Variants in NF1 observed in about 807,000 individuals in gnomAD.
The protein encoded by NF1 is neurofibromin 1.
Under a neutral mutation model 325.7 loss-of-function variants are expected in NF1, and 122 were observed. The observed-to-expected ratio is 0.37, with a 90% CI of 0.32 to 0.44. NF1 has a LOEUF of 0.44. Ranked by LOEUF, NF1 falls within the 20% of genes least tolerant of loss-of-function variation. The pLI is 1.00. For synonymous variants in NF1, 1,091 were observed against 1,186.0 expected (o/e 0.92, Z 1.65); for missense variants, 2,140 against 3,415.4 (o/e 0.63, Z 9.31).
chr17:31,243,688 C>T (rs944427866), intron 29 of NF1, among the ~76,000 whole-genome samples: 1 of 151,752 alleles, frequency 6.6e-6, no homozygotes, highest in African/African-American at 2.4e-5. Context: ...GCTGCCAGTT[C>T]TGAGTCTCTC....
intron 2 of NF1, among the ~76,000 whole-genome samples, chr17:31,156,331 A>G (rs1156629343): frequency 6.6e-6 from 1 of 152,198 alleles, no homozygotes; most frequent in Non-Finnish European, 1.5e-5. Context: ...AGATTCAGTG[A>G]GCACAAGTAA....
chr17:31,300,454 T>C (rs867642969), intron 36 of NF1, among the ~76,000 whole-genome samples: 13 of 152,084 alleles, frequency 8.5e-5, no homozygotes, highest in Non-Finnish European at 8.8e-5. Flanking sequence ...GTATCTTGAG[T>C]ATCACTCCAT....
Position 31,145,186 on chromosome 17 carries a change from C to T in NF1, c.61-10797C>T, listed in dbSNP as rs1395678599. ...TCTTTAGATCTTTGCATGGGTCTTC[C>T]CGTTCTCATTCATTCATTCATTTTG... On this transcript the variant is annotated intron_variant, in intron 1 of 57. Coordinates refer to ENST00000358273, the MANE Select transcript of NF1 (RefSeq NM_001042492.3). Among the ~76,000 whole-genome samples the T allele has an allele frequency of 2.0e-5, 3 of 152,242 alleles. No individual in the cohort carries two copies. In the East Asian group the frequency reaches 5.8e-4, roughly 29 times the overall value.
Position 31,151,561 on chromosome 17 carries a change from C to T in NF1, c.61-4422C>T, listed in dbSNP as rs919329602. 3.3e-5 allele frequency among the ~76,000 whole-genome samples: 5 copies of T among 152,128 alleles called. No individual in the cohort carries two copies. The highest frequency in any genetic ancestry group is 7.2e-5 in the African/African-American group (3 of 41,444). ...CATTGGTTCCAGGAACCTCCATGGA[C>T]GGTGAAATCTGTAGATGCTCAAGTC... On this transcript the variant is annotated intron_variant, in intron 1 of 57. Transcript: ENST00000358273.
chr17:31,275,942 G>A (rs1375361204), intron 36 of NF1, among the ~76,000 whole-genome samples: 1 of 152,134 alleles, frequency 6.6e-6, no homozygotes, highest in Admixed American at 6.5e-5. Flanking sequence ...TAGGACACAG[G>A]CTCATGCCTG....
intron 36 of NF1, among the ~76,000 whole-genome samples, chr17:31,299,195 G>C (rs1409529124): frequency 6.6e-6 from 1 of 151,942 alleles, no homozygotes; most frequent in Non-Finnish European, 1.5e-5. Flanking sequence ...CTTACACTGG[G>C]TGCAGCACAC....
intron 34 of NF1, among the ~76,000 whole-genome samples, chr17:31,260,903 T>A (rs1344252924): frequency 6.6e-6 from 1 of 152,170 alleles, no homozygotes; most frequent in Non-Finnish European, 1.5e-5. Flanking sequence ...AATTCTATGA[T>A]AAACTCATTC....
intron 51 of NF1, among the ~76,000 whole-genome samples, 163 bp downstream of exon 51, chr17:31,352,577 A>C (rs2070177841): frequency 6.6e-6 from 1 of 152,224 alleles, no homozygotes; most frequent in East Asian, 1.9e-4. Flanking sequence ...TCAGTTAAGC[A>C]TTATAAGTTG....
intron 1 of NF1, among the ~76,000 whole-genome samples, chr17:31,099,451 C>T (rs1912094964): frequency 6.6e-6 from 1 of 152,048 alleles, no homozygotes; most frequent in Non-Finnish European, 1.5e-5. Context: ...AGGTGGACAG[C>T]CAGAAAGCTG....
intron 11 of NF1, among the ~76,000 whole-genome samples, chr17:31,203,546 A>G (rs1293056151): frequency 1.3e-5 from 2 of 152,134 alleles, no homozygotes; most frequent in African/African-American, 4.8e-5. Context: ...GTTGAAAAGG[A>G]CTATTTATAA....
chr17:31,196,826 T>G (rs1006490098), intron 8 of NF1, among the ~76,000 whole-genome samples: 1 of 152,202 alleles, frequency 6.6e-6, no homozygotes, highest in Non-Finnish European at 1.5e-5. Context: ...CTTAGCATCT[T>G]TGTCAAAAAT....
At chr17:31,300,999 C>G (rs763655141) in intron 36 of NF1, among the ~76,000 whole-genome samples, 2 of 151,938 alleles carry the variant, frequency 1.3e-5, no homozygotes, top group Non-Finnish European at 2.9e-5. Context: ...TGGGTCTTCC[C>G]CTTCCTGCCC....
chr17:31,097,346 T>C (rs1911822902), intron 1 of NF1, among the ~76,000 whole-genome samples: 1 of 151,378 alleles, frequency 6.6e-6, no homozygotes, highest in Non-Finnish European at 1.5e-5. Context: ...TAATCCCAGC[T>C]ACTCGGGAGG....
chr17:31,349,629 A>C (rs1266835312), intron 49 of NF1, among the ~76,000 whole-genome samples: 2 of 152,174 alleles, frequency 1.3e-5, no homozygotes, highest in Non-Finnish European at 2.9e-5. Flanking sequence ...CAAATGGATG[A>C]GCTATTTTAA....
chr17:31,350,954 G>T (rs1309581965), intron 50 of NF1, among the ~76,000 whole-genome samples: 1 of 152,094 alleles, frequency 6.6e-6, no homozygotes, highest in Non-Finnish European at 1.5e-5. Flanking sequence ...CGCAAAACTC[G>T]TATCATTCCA....
At chr17:31,193,868 A>G (rs2143841455) in intron 8 of NF1, among the ~76,000 whole-genome samples, 1 of 152,336 alleles carries the variant, frequency 6.6e-6, no homozygotes, top group Admixed American at 6.5e-5. Context: ...AATGGCTACT[A>G]TCAAAAAGAC....
rs68037843 is a variant in NF1, at chr17:31,274,730, G to GGTAATAGTAATAGTAATA, written c.4835+9409_4835+9426dup. ...GGATTTCTTTGGGGGGTATATAGTTGGTAATAGTAATAGTAATAGTAATAG... is the reference window on the plus strand; with the variant it reads ...GGATTTCTTTGGGGGGTATATAGTTGGTAATAGTAATAGTAATAGTAATAGTAATAGTAATAGTAATAG... On this transcript the variant is annotated intron_variant, in intron 36 of 57. Coordinates refer to ENST00000358273, the MANE Select transcript of NF1 (RefSeq NM_001042492.3). 2.3e-3 allele frequency among the ~76,000 whole-genome samples: 349 copies of GGTAATAGTAATAGTAATA among 150,778 alleles called. 3 individuals are homozygous for GGTAATAGTAATAGTAATA. Among genetic ancestry groups the GGTAATAGTAATAGTAATA allele is most frequent in the African/African-American group, 8.1e-3 (332 of 40,910 alleles).
At chr17:31,242,769 T>C (rs1251667210) in intron 29 of NF1, among the ~76,000 whole-genome samples, 1 of 152,236 alleles carries the variant, frequency 6.6e-6, no homozygotes, top group East Asian at 1.9e-4. Flanking sequence ...CACATATCGC[T>C]GTCTCTCCAG....
At chr17:31,332,573 G>GTTTT (rs566009086) in intron 39 of NF1, among the ~76,000 whole-genome samples, 4 of 91,890 alleles carry the variant, frequency 4.4e-5, no homozygotes, top group Admixed American at 1.0e-4. Context: ...TACAGATCAT[G>GTTTT]GTTTTTTTTT....
Sources: gnomAD v4.1 joint callset for allele counts (sites outside exome capture counted in the v4.1 genomes callset) on GRCh38, gnomAD v4.1.1 for gene constraint, MANE v1.5 for transcripts, NCBI Gene and HGNC (gene_info 2026-07-23, HGNC 2026-07-21) for gene names.